CFAP299: variants seen among roughly 807,000 people sequenced by gnomAD.
CFAP299 encodes cilia- and flagella-associated protein 299.
In CFAP299, 21 loss-of-function variants were observed where a neutral mutation model predicts 27.0. The observed-to-expected ratio is 0.78, with a 90% CI of 0.55 to 1.12. CFAP299 has a LOEUF of 1.12. Ranked by LOEUF, CFAP299 falls within the 50% of genes most tolerant of loss-of-function variation. The probability of loss-of-function intolerance (pLI) is 0.00; values close to 1 mark genes in which losing one functional copy is unlikely to be tolerated. For missense variants in CFAP299, 310 were observed against 276.6 expected (o/e 1.12, Z -0.86); for synonymous variants, 104 against 98.1 (o/e 1.06, Z -0.36).
At chr4:80,740,294 C>A (rs528363000) in intron 3 of CFAP299, among the ~76,000 whole-genome samples, 1 of 152,260 alleles carries the variant, frequency 6.6e-6, no homozygotes, top group African/African-American at 2.4e-5. Context: ...TTGTTTCTGT[C>A]CTTCTTAGGA....
At chr4:80,328,530 C>T in the CFAP299 span, among the ~76,000 whole-genome samples, 360 of 151,160 alleles carry the variant, frequency 2.4e-3, 3 homozygotes, top group East Asian at 2.9e-3. Context: ...TGGAGTGATG[C>T]TGAAGGGAAT....
intron 4 of CFAP299, among the ~76,000 whole-genome samples, chr4:80,894,012 G>A (rs766253748): frequency 2.0e-5 from 3 of 151,596 alleles, no homozygotes; most frequent in Non-Finnish European, 4.4e-5. Flanking sequence ...AAGCAACTCA[G>A]CAGCAAGAAA....
intron 3 of CFAP299, among the ~76,000 whole-genome samples, chr4:80,862,221 T>C (rs1302383404): frequency 6.6e-6 from 1 of 151,900 alleles, no homozygotes; most frequent in East Asian, 1.9e-4. Flanking sequence ...AATACAAAAA[T>C]TAGCTTGGAG....
At chr4:80,360,958 C>G (rs1723514583) in intron 1 of CFAP299, among the ~76,000 whole-genome samples, 1 of 152,114 alleles carries the variant, frequency 6.6e-6, no homozygotes, top group Admixed American at 6.5e-5. Context: ...CATTTTAAGC[C>G]AAATCCCCCA....
intron 3 of CFAP299, among the ~76,000 whole-genome samples, chr4:80,597,777 T>G (rs1238223608): frequency 6.6e-6 from 1 of 152,102 alleles, no homozygotes; most frequent in Non-Finnish European, 1.5e-5. Context: ...ACCTCCTGCT[T>G]CCAGGTTCAG....
chr4:80,838,433 T>C (rs901702358), intron 3 of CFAP299, among the ~76,000 whole-genome samples: 2 of 152,188 alleles, frequency 1.3e-5, no homozygotes, highest in Admixed American at 1.3e-4. Context: ...TGAGTTAATT[T>C]TTCTATAGTG....
At chr4:80,952,223 C>T (rs1239573819) in intron 5 of CFAP299, among the ~76,000 whole-genome samples, 4 of 152,136 alleles carry the variant, frequency 2.6e-5, no homozygotes. Context: ...GTTCAGTAAA[C>T]ATCTGCGGGA....
intron 3 of CFAP299, among the ~76,000 whole-genome samples, chr4:80,633,179 T>C (rs1349396395): frequency 6.6e-6 from 1 of 152,214 alleles, no homozygotes; most frequent in Admixed American, 6.5e-5. Context: ...CCGGGTGTGG[T>C]GGCTCACGCC....
intron 3 of CFAP299, among the ~76,000 whole-genome samples, chr4:80,778,183 CTTCT>C (rs1253398053): frequency 1.3e-5 from 2 of 152,150 alleles, no homozygotes; most frequent in East Asian, 3.9e-4. Context: ...TTTAAAGTAT[CTTCT>C]TTCTTTCAGT....
chr4:80,371,625 T>C (rs1004593833), intron 2 of CFAP299, among the ~76,000 whole-genome samples: 8 of 152,160 alleles, frequency 5.3e-5, no homozygotes, highest in African/African-American at 1.9e-4. Context: ...CTCTACATCA[T>C]CATTCTCAAA....
At chr4:80,776,029 G>A (rs925405958) in intron 3 of CFAP299, among the ~76,000 whole-genome samples, 1 of 152,010 alleles carries the variant, frequency 6.6e-6, no homozygotes, top group Non-Finnish European at 1.5e-5. Context: ...TCTCCCCCTG[G>A]ATGTAGACTG....
At chr4:80,389,212 T>G (rs993670370) in intron 2 of CFAP299, among the ~76,000 whole-genome samples, 1 of 152,186 alleles carries the variant, frequency 6.6e-6, no homozygotes, top group Admixed American at 6.5e-5. Flanking sequence ...TTATCTGGAT[T>G]GTCTTTTGGA....
chr4:80,414,757 C>G (rs1726918697), intron 2 of CFAP299, among the ~76,000 whole-genome samples: 1 of 152,232 alleles, frequency 6.6e-6, no homozygotes, highest in South Asian at 2.1e-4. Context: ...ACTTCTATTA[C>G]TAACCCCCTC....
intron 2 of CFAP299, among the ~76,000 whole-genome samples, chr4:80,488,281 T>C (rs1194303839): frequency 6.6e-6 from 1 of 152,154 alleles, no homozygotes; most frequent in African/African-American, 2.4e-5. Flanking sequence ...GTTTTGGAAA[T>C]ACACAAAGAT....
chr4:80,342,642 C>A (rs1722512765), intron 1 of CFAP299, among the ~76,000 whole-genome samples: 3 of 152,242 alleles, frequency 2.0e-5, no homozygotes, highest in Admixed American at 6.5e-5. Context: ...CACCACCAGG[C>A]CTGCTTTGCA....
intron 3 of CFAP299, among the ~76,000 whole-genome samples, chr4:80,727,973 T>G (rs1283264420): frequency 1.3e-5 from 2 of 151,980 alleles, no homozygotes; most frequent in Admixed American, 6.6e-5. Context: ...AGATTCAAAT[T>G]ATTTGTTTTG....
chr4:80,480,672 C>T (rs1051046939), intron 2 of CFAP299, among the ~76,000 whole-genome samples: 3 of 151,914 alleles, frequency 2.0e-5, no homozygotes, highest in African/African-American at 7.2e-5. Context: ...TTAATTTACT[C>T]ATAACAACTG....
chr4:80,910,860 T>G (rs1284341065), intron 4 of CFAP299, among the ~76,000 whole-genome samples: 7 of 152,092 alleles, frequency 4.6e-5, no homozygotes, highest in Admixed American at 6.5e-5. Flanking sequence ...CAGAATAGTC[T>G]TGGAAGTATG....
chr4:80,511,622 G>T (rs958861345), intron 2 of CFAP299, among the ~76,000 whole-genome samples: 9 of 152,076 alleles, frequency 5.9e-5, no homozygotes, highest in African/African-American at 2.2e-4. Context: ...ATGTGATAAT[G>T]AAGTTGACCA....
Sources: allele counts gnomAD v4.1 joint callset (sites outside exome capture counted in the v4.1 genomes callset), GRCh38; gene constraint gnomAD v4.1.1; transcripts MANE v1.5; gene names NCBI Gene and HGNC (gene_info 2026-07-23, HGNC 2026-07-21).